NRXN3: variants seen among roughly 807,000 people sequenced by gnomAD.
The protein encoded by NRXN3 is neurexin 3.
A neutral mutation model predicts 137.6 loss-of-function variants in NRXN3; 32 were observed. The ratio of observed to expected loss-of-function variants is 0.23; its 90% CI spans 0.18 to 0.31. The LOEUF (loss-of-function observed/expected upper bound fraction) is 0.31, where lower values mean the gene tolerates loss of function less well. Ranked by LOEUF, NRXN3 falls within the 10% of genes least tolerant of loss-of-function variation. NRXN3 has a pLI of 1.00. For missense variants in NRXN3, 1,574 were observed against 2,062.5 expected (o/e 0.76, Z 4.59); for synonymous variants, 798 against 784.5 (o/e 1.02, Z -0.29).
chr14:79,098,235 A>G (rs948297439), intron 15 of NRXN3, among the ~76,000 whole-genome samples: 1 of 152,302 alleles, frequency 6.6e-6, no homozygotes, highest in East Asian at 1.9e-4. Flanking sequence ...TACAAGAACA[A>G]TCTCAATCTG....
intron 10 of NRXN3, among the ~76,000 whole-genome samples, chr14:78,917,146 G>T (rs2099257396): frequency 1.3e-5 from 2 of 152,182 alleles, no homozygotes; most frequent in African/African-American, 2.4e-5. Context: ...GCCTGGAAGA[G>T]ACCGTAAGAA....
chr14:79,033,051 C>T (rs1243064376), intron 15 of NRXN3, among the ~76,000 whole-genome samples: 2 of 152,034 alleles, frequency 1.3e-5, no homozygotes, highest in Non-Finnish European at 1.5e-5. Context: ...TCTCATTTTT[C>T]CCTGGATTGT....
chr14:78,373,281 T>C (rs1220345507), intron 4 of NRXN3, among the ~76,000 whole-genome samples: 2 of 151,836 alleles, frequency 1.3e-5, no homozygotes, highest in Admixed American at 6.6e-5. Context: ...GGTGGGAAGA[T>C]GTCGTTTAGA....
intron 4 of NRXN3, among the ~76,000 whole-genome samples, chr14:78,489,019 AGAGT>A (rs1311673859): frequency 6.6e-6 from 1 of 152,204 alleles, no homozygotes; most frequent in African/African-American, 2.4e-5. Flanking sequence ...TAAGAAAATA[AGAGT>A]GACTACATCA....
intron 15 of NRXN3, among the ~76,000 whole-genome samples, chr14:79,264,409 TCA>T (rs1322167964): frequency 6.6e-6 from 1 of 152,224 alleles, no homozygotes; most frequent in Admixed American, 6.5e-5. Flanking sequence ...ATTCATTTTC[TCA>T]CAGTTTTAGA....
chr14:78,785,812 G>A (rs2098787634), intron 8 of NRXN3, among the ~76,000 whole-genome samples: 1 of 152,102 alleles, frequency 6.6e-6, no homozygotes. Flanking sequence ...GTACCTCCAT[G>A]TTTATGAATA....
chr14:79,507,909 G>A (rs1464908948), intron 16 of NRXN3, among the ~76,000 whole-genome samples: 2 of 152,038 alleles, frequency 1.3e-5, no homozygotes, highest in African/African-American at 4.8e-5. Flanking sequence ...TGTCCTACTG[G>A]GATGCCTGGG....
intron 15 of NRXN3, among the ~76,000 whole-genome samples, chr14:79,133,928 C>G (rs1347013664): frequency 1.2e-5 from 1 of 82,246 alleles, no homozygotes; most frequent in Admixed American, 1.3e-4. Context: ...GATTCCATCT[C>G]AAAAAAAAGA....
intron 19 of NRXN3, among the ~76,000 whole-genome samples, chr14:79,783,189 A>G (rs532575960): frequency 6.6e-6 from 1 of 152,244 alleles, no homozygotes; most frequent in East Asian, 1.9e-4. Flanking sequence ...ATAGCTTGGC[A>G]TGTGTCTTGT....
At chr14:79,045,274 C>T (rs1375329525) in intron 15 of NRXN3, among the ~76,000 whole-genome samples, 1 of 152,160 alleles carries the variant, frequency 6.6e-6, no homozygotes. Context: ...AGCTCCTCAA[C>T]AATCGGCAAT....
At position 79,301,328 on chromosome 14, in the gene NRXN3, T is replaced by C. The variant is rs1374523771; in HGVS notation, c.3263-165893T>C. Among the ~76,000 whole-genome samples, 3 of 151,948 alleles carry C rather than the reference T, an allele frequency of 2.0e-5. No homozygotes were observed. The East Asian group carries it at 5.8e-4, about 29-fold the overall frequency. On this transcript the variant is annotated intron_variant, in intron 15 of 20. Transcript: ENST00000335750. Reference sequence around the variant, plus strand: ...GATGAAAGTTTGATGGACTTTAAGATGGAAAGGAAGGAAGAGGAGAAATTT... The same window carrying C: ...GATGAAAGTTTGATGGACTTTAAGACGGAAAGGAAGGAAGAGGAGAAATTT...
At chr14:79,023,622 G>A (rs953436102) in intron 15 of NRXN3, among the ~76,000 whole-genome samples, 20 of 152,114 alleles carry the variant, frequency 1.3e-4, no homozygotes, top group African/African-American at 4.8e-4. Context: ...TGCTGGGAAA[G>A]CCTCAGGAAA....
chr14:79,257,415 ATGGTGGTG>A (rs2076791527), intron 15 of NRXN3, among the ~76,000 whole-genome samples: 18 of 28,758 alleles, frequency 6.3e-4, no homozygotes, highest in East Asian at 2.2e-3. Flanking sequence ...GGTGGTGGTG[ATGGTGGTG>A]ATGGTGGTGG....
At chr14:78,490,049 G>C (rs1029224442) in intron 4 of NRXN3, among the ~76,000 whole-genome samples, 1 of 151,998 alleles carries the variant, frequency 6.6e-6, no homozygotes, top group Non-Finnish European at 1.5e-5. Context: ...TGAGTAGCTG[G>C]GACTGCAGGC....
At chr14:78,373,446 G>C (rs942561425) in intron 4 of NRXN3, among the ~76,000 whole-genome samples, 1 of 152,176 alleles carries the variant, frequency 6.6e-6, no homozygotes, top group Admixed American at 6.5e-5. Flanking sequence ...GTGCAAAACA[G>C]CTGGGTTTTG....
intron 6 of NRXN3, among the ~76,000 whole-genome samples, chr14:78,699,884 C>T (rs1018416930): frequency 6.6e-6 from 1 of 152,202 alleles, no homozygotes; most frequent in African/African-American, 2.4e-5. Context: ...GTGCCACACA[C>T]TTTGCTAAAT....
At chr14:79,609,880 T>C (rs2098077006) in intron 16 of NRXN3, among the ~76,000 whole-genome samples, 2 of 151,552 alleles carry the variant, frequency 1.3e-5, no homozygotes, top group African/African-American at 4.9e-5. Context: ...GTCTCACTCA[T>C]AAGTGGGAGT....
chr14:78,369,930 TAAAAAA>T (rs57610008), intron 4 of NRXN3, among the ~76,000 whole-genome samples: 6 of 140,410 alleles, frequency 4.3e-5, no homozygotes, highest in Non-Finnish European at 3.0e-5. Flanking sequence ...TTAGCCTGGT[TAAAAAA>T]AAAAAAAAAA....
In NRXN3 at chr14:78,197,294, T is replaced by C. The variant is rs559524971; in HGVS notation, c.-704+26620T>C. Among the ~76,000 whole-genome samples the C allele has an allele frequency of 4.6e-5, 7 of 152,342 alleles. No homozygotes were observed. The East Asian group carries it at 1.4e-3, about 29-fold the overall frequency. ...GGGGTGCTAGAAAAGAACTTCGGCT[T>C]TCAGAGCTTGGCTGCATGCCAGCAT... On this transcript the variant is annotated intron_variant, in intron 1 of 20. Coordinates refer to ENST00000335750, the MANE Select transcript of NRXN3 (RefSeq NM_001330195.2).
Sources: allele counts gnomAD v4.1 joint callset (sites outside exome capture counted in the v4.1 genomes callset), GRCh38; gene constraint gnomAD v4.1.1; transcripts MANE v1.5; gene names NCBI Gene and HGNC (gene_info 2026-07-23, HGNC 2026-07-21).